The following ANXA8 variants were observed in gnomAD, a reference collection of about 807,000 sequenced individuals.
The protein encoded by ANXA8 is annexin A8.
In ANXA8, 9 loss-of-function variants were observed where a neutral mutation model predicts 26.8. The ratio of observed to expected loss-of-function variants is 0.34; its 90% confidence interval spans 0.20 to 0.59. ANXA8 has a LOEUF of 0.59. Among genes scored for constraint, ANXA8 ranks in the 20% least tolerant of loss-of-function variants. The probability of loss-of-function intolerance (pLI) is 0.84; values close to 1 mark genes in which losing one functional copy is unlikely to be tolerated. For missense variants in ANXA8, 83 were observed against 238.5 expected (o/e 0.35, Z 4.29); for synonymous variants, 39 against 94.8 (o/e 0.41, Z 3.42).
the ANXA8 span, chr10:47,719,852 C>T: frequency 7.8e-7 from 1 of 1,274,958 alleles, no homozygotes; most frequent in South Asian, 1.2e-5. Flanking sequence ...TAATTAAAGC[C>T]CAGATTTCAG....
chr10:47,474,960 G>A lies in ANXA8; in HGVS notation c.537C>T (p.Ala179=). 1 of 1,528,838 alleles carries A rather than the reference G, an allele frequency of 6.5e-7. No individual in the cohort carries two copies. Among genetic ancestry groups the A allele is most frequent in the Non-Finnish European group, 8.8e-7 (1 of 1,131,146 alleles). The allele number at this position is 1,528,838 out of a possible 1,614,324, so 94.7% of individuals were successfully genotyped here. The change falls in exon 7 of 12, where the codon GCC becomes GCT. Residue 179 remains alanine (A), a synonymous_variant. Transcript: ENST00000585281. ...DVSSFVDPGL[A]LQDAQDLYAA... is the part of the protein sequence containing the mutation. ...GCAGCCTCACCTGTGCGTCTTGGAG[G>A]GCCAGTCCTGGGTCCACAAAGCTGC...
chr10:47,907,160 C>T, the ANXA8 span, among the ~76,000 whole-genome samples: 1 of 151,646 alleles, frequency 6.6e-6, no homozygotes, highest in Non-Finnish European at 1.5e-5. Flanking sequence ...TCGAGACCAT[C>T]CTGGCTAACA....
chr10:47,627,364 C>T, the ANXA8 span, among the ~76,000 whole-genome samples: 1 of 150,124 alleles, frequency 6.7e-6, no homozygotes, highest in Non-Finnish European at 1.5e-5. Flanking sequence ...ACTACATCTC[C>T]TATTTTTACT....
chr10:47,968,323 C>T, the ANXA8 span, among the ~76,000 whole-genome samples: 2 of 150,584 alleles, frequency 1.3e-5, no homozygotes, highest in South Asian at 2.1e-4. Context: ...AAAGTATAGG[C>T]CTCCATTGCC....
At chr10:47,748,211 T>TA in the ANXA8 span, among the ~76,000 whole-genome samples, 5 of 149,680 alleles carry the variant, frequency 3.3e-5, no homozygotes, top group Admixed American at 6.7e-5. Flanking sequence ...ATACTTTTTT[T>TA]TTATTATTAT....
the ANXA8 span, among the ~76,000 whole-genome samples, chr10:47,682,529 A>G: frequency 7.1e-6 from 1 of 141,570 alleles, no homozygotes; most frequent in Non-Finnish European, 1.5e-5. Flanking sequence ...GAGTACAGTG[A>G]CGCGATCTTG....
At chr10:47,572,953 G>GACTTGCC in the ANXA8 span, among the ~76,000 whole-genome samples, 1 of 150,296 alleles carries the variant, frequency 6.7e-6, no homozygotes, top group African/African-American at 2.5e-5. Flanking sequence ...GTGTGCTTCA[G>GACTTGCC]ACTTGCCACT....
chr10:47,476,220 G>GCCAC lies in ANXA8; in HGVS notation c.412+8_412+11dup. 1 of 410,746 alleles carries GCCAC rather than the reference G, an allele frequency of 2.4e-6. No homozygotes were observed. The highest frequency in any genetic ancestry group is 3.9e-6 in the Non-Finnish European group (1 of 254,874). The allele number at this position is 410,746 out of a possible 1,614,324, so 25.4% of individuals were successfully genotyped here. A position where few individuals can be genotyped will look rare whatever the true frequency, so the allele number is the denominator to read the frequency against. On this transcript the variant is annotated intron_variant, in intron 5 of 11. Coordinates refer to ENST00000585281, the MANE Select transcript of ANXA8 (RefSeq NM_001040084.3). ...GCCACTCCTGAGCCCCTCCATCTGT[G>GCCAC]CCACCCCTTACCTTCCTCATACGCC...
the ANXA8 span, among the ~76,000 whole-genome samples, chr10:47,945,209 GTCCACTTCCTCAGGGGCA>G: frequency 6.9e-4 from 104 of 150,004 alleles, 7 homozygotes; most frequent in East Asian, 0.02. Flanking sequence ...CTGGACTGTT[GTCCACTTCCTCAGGGGCA>G]TCTGCTTCCT....
At chr10:47,666,755 T>C in the ANXA8 span, among the ~76,000 whole-genome samples, 2 of 151,966 alleles carry the variant, frequency 1.3e-5, no homozygotes, top group Non-Finnish European at 2.9e-5. Flanking sequence ...ATGAGTCAAG[T>C]GGTCTTTCAG....
At chr10:47,485,980 C>A (rs1180847634), upstream of ANXA8, among the ~76,000 whole-genome samples, 1 of 151,814 alleles carries the variant, frequency 6.6e-6, no homozygotes, top group African/African-American at 2.4e-5. Flanking sequence ...TGGTGGCGGG[C>A]ACCTGTAGTC....
the ANXA8 span, among the ~76,000 whole-genome samples, chr10:47,553,872 G>A: frequency 6.7e-6 from 1 of 149,280 alleles, no homozygotes; most frequent in Non-Finnish European, 1.5e-5. Context: ...TGGCCGCCCC[G>A]GAGTCACCGT....
At chr10:47,681,612 G>A in the ANXA8 span, among the ~76,000 whole-genome samples, 1 of 118,990 alleles carries the variant, frequency 8.4e-6, no homozygotes, top group Admixed American at 9.4e-5. Flanking sequence ...GCTTACTGTA[G>A]CCTTGATCTC....
the ANXA8 span, among the ~76,000 whole-genome samples, chr10:47,580,967 T>G: frequency 2.0e-5 from 3 of 150,004 alleles, no homozygotes; most frequent in African/African-American, 7.6e-5. Flanking sequence ...CCCCAGCTAC[T>G]TGGGAGGCTG....
the ANXA8 span, among the ~76,000 whole-genome samples, chr10:47,557,003 C>CTT: frequency 7.1e-3 from 800 of 113,378 alleles, 19 homozygotes; most frequent in African/African-American, 0.023. Flanking sequence ...TATTTTCTTT[C>CTT]TTTTTTTTTT....
the ANXA8 span, among the ~76,000 whole-genome samples, chr10:47,524,470 C>CCT: frequency 1.4e-5 from 1 of 70,272 alleles, no homozygotes; most frequent in East Asian, 4.0e-4. Context: ...CTAACTTGTC[C>CCT]CTCCAAGCTC....
intron 3 of ANXA8, 115 bp from the exon 4 acceptor site, chr10:47,477,309 C>T: frequency 6.5e-7 from 1 of 1,539,808 alleles, no homozygotes; most frequent in Non-Finnish European, 8.9e-7. Context: ...TGGGCCTTGC[C>T]ACGTGCTGGC....
chr10:47,485,684 G>A (rs1363341712), upstream of ANXA8, among the ~76,000 whole-genome samples: 2 of 151,906 alleles, frequency 1.3e-5, no homozygotes, highest in Admixed American at 1.3e-4. Context: ...ATTAAAAAAT[G>A]TTAAGTTAAA....
chr10:47,527,955 A>C, the ANXA8 span, among the ~76,000 whole-genome samples: 2 of 148,222 alleles, frequency 1.3e-5, no homozygotes, highest in Non-Finnish European at 3.0e-5. Flanking sequence ...AATCCGGATC[A>C]GGGACAGATT....
Sources: gnomAD v4.1 joint callset for allele counts (sites outside exome capture counted in the v4.1 genomes callset) on GRCh38, gnomAD v4.1.1 for gene constraint, MANE v1.5 for transcripts, NCBI Gene and HGNC (gene_info 2026-07-23, HGNC 2026-07-21) for gene names.